Variants in CADPS2 observed in about 807,000 individuals in gnomAD.
The protein encoded by CADPS2 is calcium-dependent secretion activator 2.
Under a neutral mutation model 172.5 loss-of-function variants are expected in CADPS2, and 93 were observed. The ratio of observed to expected loss-of-function variants is 0.54; its 90% confidence interval spans 0.46 to 0.64. The LOEUF is 0.64. Ranked by LOEUF, CADPS2 falls within the 30% of genes least tolerant of loss-of-function variation. The pLI is 0.00. For missense variants in CADPS2, 1,420 were observed against 1,565.9 expected (o/e 0.91, Z 1.57); for synonymous variants, 546 against 555.2 (o/e 0.98, Z 0.23).
At chr7:122,568,750 G>C (rs1199536325) in intron 7 of CADPS2, among the ~76,000 whole-genome samples, 2 of 152,196 alleles carry the variant, frequency 1.3e-5, no homozygotes, top group East Asian at 1.9e-4. Flanking sequence ...GAAGAAAACA[G>C]AGGAGAATTC....
chr7:122,886,198 C>A lies in CADPS2; in HGVS notation c.140G>T (p.Arg47Leu). 1 of 1,467,946 alleles carries A rather than the reference C, an allele frequency of 6.8e-7. No individual in the cohort carries two copies. The allele number at this position is 1,467,946 out of a possible 1,614,324, so 90.9% of individuals were successfully genotyped here. A position where few individuals can be genotyped will look rare whatever the true frequency, so the allele number is the denominator to read the frequency against. Residue 47 changes from arginine (R) to leucine (L), a missense_variant, in exon 1 of 30, where the codon CGC becomes CTC. By Grantham distance (102) the Arg-to-Leu change is moderately radical. Coordinates refer to ENST00000449022, the MANE Select transcript of CADPS2 (RefSeq NM_017954.11). ...TREGRRDAPG[R>L]AGGGGAARSV... ...TCTGGCCGCGCCGCCGCCGCCCGCG[C>A]GCCCCGGCGCGTCCCGCCGCCCTTC...
intron 1 of CADPS2, among the ~76,000 whole-genome samples, chr7:122,798,098 T>A (rs899563520): frequency 6.6e-6 from 1 of 152,086 alleles, no homozygotes; most frequent in Non-Finnish European, 1.5e-5. Flanking sequence ...CCAATGCAGT[T>A]GTTGCATTAA....
At chr7:122,490,945 G>A (rs1187745381) in intron 10 of CADPS2, among the ~76,000 whole-genome samples, 1 of 151,938 alleles carries the variant, frequency 6.6e-6, no homozygotes, top group African/African-American at 2.4e-5. Context: ...GTATTGTTGG[G>A]GAGAAAATTA....
chr7:122,339,152 C>G (rs2036376552), intron 28 of CADPS2, among the ~76,000 whole-genome samples: 1 of 152,124 alleles, frequency 6.6e-6, no homozygotes, highest in African/African-American at 2.4e-5. Flanking sequence ...GCCTGCATTC[C>G]TAGTAAACAG....
At chr7:122,520,567 C>A (rs1412224267) in intron 8 of CADPS2, among the ~76,000 whole-genome samples, 1 of 151,906 alleles carries the variant, frequency 6.6e-6, no homozygotes, top group African/African-American at 2.4e-5. Context: ...AACTATATCC[C>A]ATATTATTCT....
At chr7:122,806,760 T>C (rs1589312421) in intron 1 of CADPS2, among the ~76,000 whole-genome samples, 1 of 152,188 alleles carries the variant, frequency 6.6e-6, no homozygotes, top group Admixed American at 6.5e-5. Context: ...CTTAATAATA[T>C]TCAAATATAG....
intron 28 of CADPS2, among the ~76,000 whole-genome samples, chr7:122,331,695 CT>C (rs1301987554): frequency 1.3e-5 from 2 of 152,074 alleles, no homozygotes; most frequent in Admixed American, 6.6e-5. Context: ...CTTATGATAA[CT>C]TTGATGAAGT....
chr7:122,851,610 A>G (rs1813649542), intron 1 of CADPS2, among the ~76,000 whole-genome samples: 1 of 152,174 alleles, frequency 6.6e-6, no homozygotes, highest in Admixed American at 6.5e-5. Flanking sequence ...GGTTTGATGA[A>G]CTCACAGTTC....
intron 8 of CADPS2, among the ~76,000 whole-genome samples, chr7:122,552,775 G>GTTTTTTTTTTTTTT (rs61517518): frequency 7.3e-6 from 1 of 137,096 alleles, no homozygotes. Context: ...ATAGGTTCCT[G>GTTTTTTTTTTTTTT]TTTTTTTTTT....
rs1362577477 is a variant in CADPS2, at chr7:122,438,347, T to C, written c.2470A>G (p.Ile824Val). The C allele has an allele frequency of 1.2e-6, 2 of 1,612,926 alleles. No individual in the cohort carries two copies. Among genetic ancestry groups the C allele is most frequent in the Admixed American group, 1.7e-5 (1 of 59,968 alleles). ...NYTRLTEYAK[I>V]EETMNQASPA... ...AATTGCTCACTGCACTGACCTTCTA[T>C]TTTGGCATATTCTGTGAGTCTAGTG... Residue 824 changes from isoleucine (I) to valine (V), a missense_variant, in exon 17 of 30, where the codon ATA (isoleucine) becomes GTA (valine). Transcript: ENST00000449022.
At chr7:122,722,250 T>C (rs1316191753) in intron 2 of CADPS2, among the ~76,000 whole-genome samples, 3 of 152,182 alleles carry the variant, frequency 2.0e-5, no homozygotes, top group South Asian at 2.1e-4. Flanking sequence ...GGAAGTCAAA[T>C]TGTCCCTGTT....
intron 8 of CADPS2, among the ~76,000 whole-genome samples, chr7:122,530,508 A>G (rs1175950268): frequency 1.3e-5 from 2 of 152,100 alleles, no homozygotes; most frequent in Non-Finnish European, 2.9e-5. Flanking sequence ...TTTCCTTATA[A>G]CAACTTACCT....
In CADPS2 at chr7:122,831,408, T is replaced by A. The variant is rs1806513871; in HGVS notation, c.339+54591A>T. Among the ~76,000 whole-genome samples, 4 of 152,362 alleles carry A rather than the reference T, an allele frequency of 2.6e-5. No homozygotes were observed. In the South Asian group the frequency reaches 8.3e-4, roughly 32 times the overall value. ...CATTCTAGTCTTCAAAAACCATCAG[T>A]ATCTTCAATTATGGAAATTCCCATC... On this transcript the variant is annotated intron_variant, in intron 1 of 29. Transcript: ENST00000449022.
At chr7:122,703,933 C>T (rs764342130) in intron 2 of CADPS2, among the ~76,000 whole-genome samples, 4 of 152,046 alleles carry the variant, frequency 2.6e-5, no homozygotes, top group Non-Finnish European at 5.9e-5. Flanking sequence ...AGAATCTTTA[C>T]GGCTTTAAAG....
At chr7:122,568,987 C>T (rs989199902) in intron 7 of CADPS2, among the ~76,000 whole-genome samples, 1 of 152,142 alleles carries the variant, frequency 6.6e-6, no homozygotes, top group Non-Finnish European at 1.5e-5. Flanking sequence ...GGGATGCCCT[C>T]TCTCACCACT....
At position 122,564,824 on chromosome 7, in the gene CADPS2, CAG is replaced by C. The variant is rs555489028; in HGVS notation, c.1336-10137_1336-10136del. Among the ~76,000 whole-genome samples the C allele has an allele frequency of 7.9e-4, 108 of 136,548 alleles. 1 individual carries two copies. Among genetic ancestry groups the C allele is most frequent in the African/African-American group, 2.1e-3 (74 of 35,814 alleles). The allele number at this position is 136,548 out of a possible 152,430, so 89.6% of individuals were successfully genotyped here. ...AATTGCATAAACATATGTGTGTACA[CAG>C]ACACACACATACACACACATGCACA... On this transcript the variant is annotated intron_variant, in intron 7 of 29. Transcript: ENST00000449022.
intron 1 of CADPS2, among the ~76,000 whole-genome samples, chr7:122,882,627 T>C (rs1178345278): frequency 6.6e-6 from 1 of 151,504 alleles, no homozygotes; most frequent in East Asian, 1.9e-4. Context: ...CTTTTTTTTT[T>C]TTTTTTTACT....
chr7:122,495,638 CAT>C (rs955003057), intron 9 of CADPS2, among the ~76,000 whole-genome samples: 1 of 152,134 alleles, frequency 6.6e-6, no homozygotes, highest in Non-Finnish European at 1.5e-5. Flanking sequence ...TTCTTGCTCA[CAT>C]ATGTGACAGC....
chr7:122,524,708 T>C (rs1358653620), intron 8 of CADPS2, among the ~76,000 whole-genome samples: 3 of 152,214 alleles, frequency 2.0e-5, no homozygotes, highest in South Asian at 2.1e-4. Context: ...CTTTGAGAAA[T>C]TAACTGGACT....
Sources: allele counts gnomAD v4.1 joint callset (sites outside exome capture counted in the v4.1 genomes callset), GRCh38; gene constraint gnomAD v4.1.1; transcripts MANE v1.5; gene names NCBI Gene and HGNC (gene_info 2026-07-23, HGNC 2026-07-21).